FRMD4A: variants seen among roughly 807,000 people sequenced by gnomAD.
The protein encoded by FRMD4A is FERM domain containing 4A.
Under a neutral mutation model 129.1 loss-of-function variants are expected in FRMD4A, and 29 were observed. The observed-to-expected ratio is 0.22, with a 90% CI of 0.17 to 0.31. FRMD4A has a LOEUF of 0.31. Among genes scored for constraint, FRMD4A ranks in the 10% least tolerant of loss-of-function variants. FRMD4A has a pLI of 1.00. For missense variants in FRMD4A, 1,272 were observed against 1,375.8 expected (o/e 0.92, Z 1.19); for synonymous variants, 634 against 571.6 (o/e 1.11, Z -1.56).
intron 20 of FRMD4A, among the ~76,000 whole-genome samples, chr10:13,659,835 A>G (rs1052254169): frequency 1.8e-4 from 27 of 147,448 alleles, no homozygotes; most frequent in African/African-American, 6.3e-4. Flanking sequence ...AATGGGAAAA[A>G]CAGAGAAGCA....
chr10:14,286,945 C>T (rs1204236486), intron 2 of FRMD4A, among the ~76,000 whole-genome samples: 1 of 152,128 alleles, frequency 6.6e-6, no homozygotes, highest in Non-Finnish European at 1.5e-5. Context: ...GCAATGGTCA[C>T]ATGGCCTCCT....
intron 2 of FRMD4A, among the ~76,000 whole-genome samples, chr10:14,169,476 G>A (rs761552980): frequency 7.8e-4 from 119 of 152,120 alleles, no homozygotes; most frequent in Non-Finnish European, 1.3e-3. Context: ...GGGTCTGGGG[G>A]TAACATAACA....
intron 2 of FRMD4A, among the ~76,000 whole-genome samples, chr10:14,188,930 G>A (rs7095896): frequency 3.3e-5 from 5 of 151,884 alleles, no homozygotes; most frequent in African/African-American, 1.2e-4. Flanking sequence ...ACAAAATCCC[G>A]CCCAAAACAA....
chr10:13,968,293 G>A (rs78026563), intron 2 of FRMD4A, among the ~76,000 whole-genome samples: 2 of 152,226 alleles, frequency 1.3e-5, no homozygotes, highest in Non-Finnish European at 2.9e-5. Flanking sequence ...TGAAGACACC[G>A]CAAACTACAA....
intron 2 of FRMD4A, among the ~76,000 whole-genome samples, chr10:14,170,142 T>A (rs1277214498): frequency 2.0e-5 from 3 of 152,334 alleles, no homozygotes; most frequent in Non-Finnish European, 4.4e-5. Flanking sequence ...ACTATACATA[T>A]TTTATTCTTC....
intron 15 of FRMD4A, chr10:13,684,426 T>C: frequency 1.0e-6 from 1 of 985,310 alleles, no homozygotes; most frequent in Non-Finnish European, 1.2e-6. Flanking sequence ...TGTGTCACTG[T>C]GGGTTTCCCA....
At chr10:14,190,675 G>A (rs548428772) in intron 2 of FRMD4A, among the ~76,000 whole-genome samples, 2 of 152,282 alleles carry the variant, frequency 1.3e-5, no homozygotes, top group African/African-American at 4.8e-5. Context: ...CGTGAGCCCC[G>A]GCATCTGTCA....
chr10:13,730,900 C>T (rs1197220155), intron 12 of FRMD4A, among the ~76,000 whole-genome samples: 14 of 148,316 alleles, frequency 9.4e-5, no homozygotes, highest in Admixed American at 6.1e-4. Context: ...TGGTGACACA[C>T]GCCTATAGTC....
At chr10:13,878,925 G>C (rs1470102519) in intron 2 of FRMD4A, among the ~76,000 whole-genome samples, 2 of 152,092 alleles carry the variant, frequency 1.3e-5, no homozygotes, top group African/African-American at 2.4e-5. Context: ...AGACAGATGA[G>C]GCAGGGACAG....
At chr10:13,727,762 CTGAT>C (rs2090008922) in intron 12 of FRMD4A, 1 of 152,302 alleles carries the variant, frequency 6.6e-6, no homozygotes, top group Non-Finnish European at 1.5e-5. Flanking sequence ...CTTCCTTACT[CTGAT>C]TTATTGTCTT....
intron 2 of FRMD4A, among the ~76,000 whole-genome samples, chr10:14,266,385 G>T (rs1272222619): frequency 1.3e-5 from 2 of 152,132 alleles, no homozygotes; most frequent in African/African-American, 4.8e-5. Flanking sequence ...AGTTTGGGGA[G>T]ATGCTTTAAG....
intron 2 of FRMD4A, among the ~76,000 whole-genome samples, chr10:13,917,586 G>A (rs1367340957): frequency 1.3e-5 from 2 of 152,030 alleles, no homozygotes; most frequent in African/African-American, 4.8e-5. Context: ...CACCATGCCC[G>A]GCCCACAGAT....
intron 8 of FRMD4A, among the ~76,000 whole-genome samples, chr10:13,751,222 C>T (rs574724852): frequency 1.3e-5 from 2 of 152,284 alleles, no homozygotes; most frequent in African/African-American, 4.8e-5. Context: ...TGTTGGCAAA[C>T]AAGTTGCCCT....
chr10:13,897,936 C>CAAAAAAAAAA (rs36021849), intron 2 of FRMD4A, among the ~76,000 whole-genome samples: 1 of 72,358 alleles, frequency 1.4e-5, no homozygotes. Context: ...GACTCCGACT[C>CAAAAAAAAAA]AAAAAAAAAA....
At chr10:13,876,040 G>C (rs1279261359) in intron 2 of FRMD4A, among the ~76,000 whole-genome samples, 1 of 152,184 alleles carries the variant, frequency 6.6e-6, no homozygotes, top group East Asian at 1.9e-4. Context: ...TTTTGAACAA[G>C]CATCATTGCT....
chr10:14,156,477 A>G (rs1210344361), intron 2 of FRMD4A, among the ~76,000 whole-genome samples: 3 of 152,190 alleles, frequency 2.0e-5, no homozygotes, highest in African/African-American at 7.2e-5. Context: ...TATTTTTATT[A>G]CAAACATATT....
chr10:14,030,459 T>C (rs1833184517), intron 2 of FRMD4A, among the ~76,000 whole-genome samples: 2 of 152,254 alleles, frequency 1.3e-5, no homozygotes, highest in Admixed American at 6.5e-5. Context: ...CAATGATATG[T>C]GTAAGAGCAA....
chr10:14,023,117 A>G (rs1832834732), intron 2 of FRMD4A, among the ~76,000 whole-genome samples: 1 of 151,994 alleles, frequency 6.6e-6, no homozygotes, highest in Non-Finnish European at 1.5e-5. Flanking sequence ...CTTCTCATAA[A>G]GTCATGACCC....
At chr10:13,792,529 A>G (rs76841244) in intron 5 of FRMD4A, among the ~76,000 whole-genome samples, 1,567 of 152,296 alleles carry the variant, frequency 0.01, 31 homozygotes, top group African/African-American at 0.036. Context: ...TTCGTAACTT[A>G]TTAGCCATGC....
Sources: gnomAD v4.1 joint callset for allele counts (sites outside exome capture counted in the v4.1 genomes callset) on GRCh38, gnomAD v4.1.1 for gene constraint, MANE v1.5 for transcripts, NCBI Gene and HGNC (gene_info 2026-07-23, HGNC 2026-07-21) for gene names.